ZNF493: variants seen among roughly 807,000 people sequenced by gnomAD.
The protein encoded by ZNF493 is zinc finger protein 493.
In ZNF493, 11 loss-of-function variants were observed where a neutral mutation model predicts 12.2. That is an observed-to-expected ratio of 0.90 (90% CI 0.57 to 1.50). The LOEUF is 1.50. Ranked by LOEUF, ZNF493 falls within the 40% of genes most tolerant of loss-of-function variation. The probability of loss-of-function intolerance (pLI) is 0.00; values close to 1 mark genes in which losing one functional copy is unlikely to be tolerated. For missense variants in ZNF493, 950 were observed against 906.6 expected (o/e 1.05, Z -0.61); for synonymous variants, 286 against 302.6 (o/e 0.95, Z 0.57).
chr19:21,405,079 C>G, intron 1 of ZNF493, 50 bp from the exon 2 acceptor site: 1 of 1,523,470 alleles, frequency 6.6e-7, no homozygotes, highest in Middle Eastern at 1.8e-4. Flanking sequence ...AAATTTTGCC[C>G]ACGTGTAAAT....
At chr19:21,421,000 G>A (rs1372759483) in intron 3 of ZNF493, among the ~76,000 whole-genome samples, 1 of 151,876 alleles carries the variant, frequency 6.6e-6, no homozygotes. Context: ...GGCATGCCTT[G>A]GCCTCCCAAA....
At chr19:21,408,114 ATTTTTTTTTT>A (rs56372601) in intron 3 of ZNF493, 183 of 829,372 alleles carry the variant, frequency 2.2e-4, no homozygotes, top group East Asian at 5.5e-4. Flanking sequence ...GTACTTCCCA[ATTTTTTTTTT>A]TTTTTTTTTT....
intron 1 of ZNF493, chr19:21,398,913 C>A: frequency 6.4e-6 from 1 of 155,712 alleles, no homozygotes; most frequent in Non-Finnish European, 1.4e-5. Flanking sequence ...AAATTTGTGG[C>A]CCAAAAAATA....
chr19:21,402,117 G>A (rs930110133), intron 1 of ZNF493, among the ~76,000 whole-genome samples: 6 of 151,714 alleles, frequency 4.0e-5, no homozygotes, highest in Admixed American at 2.0e-4. Flanking sequence ...ACAGGCACCC[G>A]CCATCACGAC....
intron 1 of ZNF493, chr19:21,398,663 G>A: frequency 2.6e-6 from 1 of 381,606 alleles, no homozygotes; most frequent in Admixed American, 3.2e-5. Context: ...GGATATTCTG[G>A]GGCTGAGGGG....
rs532096427 is a variant in ZNF493 at position 21,426,776 on chromosome 19, T to C, written c.*1792T>C. 1 of 167,136 alleles carries C rather than the reference T, an allele frequency of 6.0e-6. No individual in the cohort carries two copies. Among genetic ancestry groups the C allele is most frequent in the South Asian group, 2.1e-4 (1 of 4,830 alleles). The allele number at this position is 167,136 out of a possible 1,614,324, so 10.4% of individuals were successfully genotyped here. On this transcript the variant is annotated 3_prime_UTR_variant, in exon 4 of 4. Transcript: ENST00000392288. ...AAATTTTAATCCAAATTTGTCTATG[T>C]AAATACCAGAATTTATAGTAGAAAT...
chr19:21,411,439 G>T (rs543136100), intron 3 of ZNF493, among the ~76,000 whole-genome samples: 1 of 152,112 alleles, frequency 6.6e-6, no homozygotes, highest in Non-Finnish European at 1.5e-5. Context: ...TGTTAAGCAG[G>T]TTGGGTGCGC....
At chr19:21,403,087 G>A (rs2914656) in intron 1 of ZNF493, among the ~76,000 whole-genome samples, 41 of 152,376 alleles carry the variant, frequency 2.7e-4, no homozygotes, top group African/African-American at 2.6e-4. Flanking sequence ...TAAGACATTT[G>A]AGGATGTCAG....
At chr19:21,409,500 T>C (rs995749782) in intron 3 of ZNF493, among the ~76,000 whole-genome samples, 1 of 152,120 alleles carries the variant, frequency 6.6e-6, no homozygotes, top group Non-Finnish European at 1.5e-5. Flanking sequence ...TTTCAGAAAT[T>C]TGGGAGTCCA....
intron 3 of ZNF493, among the ~76,000 whole-genome samples, chr19:21,421,854 CT>C (rs1200586469): frequency 1.3e-5 from 2 of 151,122 alleles, no homozygotes; most frequent in Admixed American, 1.3e-4. Flanking sequence ...AATTATTCAT[CT>C]TTTTTTTTGG....
rs1294651027 is a variant in ZNF493, at chr19:21,397,173, A to G, written c.-65A>G. On this transcript the variant is annotated 5_prime_UTR_variant, in exon 1 of 4. Transcript: ENST00000392288. Reference sequence around the variant, plus strand: ...TGCCGGAGCTCCAGGTCTACCCTTCACTGCTCTGTGTCCTCAGCGTGTGTG... The same window carrying G: ...TGCCGGAGCTCCAGGTCTACCCTTCGCTGCTCTGTGTCCTCAGCGTGTGTG... The G allele has an allele frequency of 1.3e-6, 2 of 1,597,604 alleles. No individual in the cohort carries two copies. The highest frequency in any genetic ancestry group is 1.7e-6 in the Non-Finnish European group (2 of 1,164,956).
intron 3 of ZNF493, among the ~76,000 whole-genome samples, chr19:21,415,277 C>T (rs1364313221): frequency 6.6e-6 from 1 of 152,128 alleles, no homozygotes; most frequent in African/African-American, 2.4e-5. Flanking sequence ...CCCTCAGCCT[C>T]CTTTGTTAAT....
Position 21,424,750 on chromosome 19 carries a change from C to T in ZNF493, c.2091C>T (p.Phe697=). ...CEKCGKTFYR[F]SNLNTHKIIH... is the part of the protein sequence containing the mutation. ...AATGTGGCAAAACTTTCTACCGATT[C>T]TCAAACCTTAATACGCATAAGATAA... Residue 697 remains phenylalanine (F), a synonymous_variant, in exon 4 of 4, where the codon TTC becomes TTT. Coordinates refer to ENST00000392288, the MANE Select transcript of ZNF493 (RefSeq NM_001076678.3). The T allele has an allele frequency of 6.2e-7, 1 of 1,613,100 alleles. No individual in the cohort carries two copies. The highest frequency in any genetic ancestry group is 8.5e-7 in the Non-Finnish European group (1 of 1,179,568).
At chr19:21,405,007 G>C in intron 1 of ZNF493, 122 bp from the exon 2 acceptor site, 1 of 1,471,760 alleles carries the variant, frequency 6.8e-7, no homozygotes, top group Non-Finnish European at 9.0e-7. Flanking sequence ...GATAATTTCA[G>C]TCATTCCTGT....
chr19:21,425,504 T>C lies in ZNF493; in HGVS notation c.*520T>C. The C allele has an allele frequency of 2.0e-6, 1 of 501,648 alleles. No homozygotes were observed. 31.1% of individuals were successfully genotyped at this position (501,648 alleles called of 1,614,324 possible). ...CCATTAGTAAACATAAGATAATTCA[T>C]ACTGGAGAGAAAACCTACAAATGTG... On this transcript the variant is annotated 3_prime_UTR_variant, in exon 4 of 4. Transcript: ENST00000392288.
At chr19:21,406,338 A>AT (rs1470353524) in intron 3 of ZNF493, among the ~76,000 whole-genome samples, 1 of 151,534 alleles carries the variant, frequency 6.6e-6, no homozygotes, top group East Asian at 1.9e-4. Context: ...AGCCTTTGGC[A>AT]TTTTTTTGTT....
chr19:21,408,236 C>A, intron 3 of ZNF493: 29 of 721,548 alleles, frequency 4.0e-5, no homozygotes, highest in Non-Finnish European at 4.9e-5. Flanking sequence ...AGCGATTCTC[C>A]TACCTCAGCC....
Position 21,418,083 on chromosome 19 carries a change from G to A in ZNF493, c.254-4830G>A, listed in dbSNP as rs557136955. 4.9e-4 allele frequency among the ~76,000 whole-genome samples: 74 copies of A among 152,274 alleles called. No individual in the cohort carries two copies. The South Asian group carries it at 0.015, about 30-fold the overall frequency. Reference sequence around the variant, plus strand: ...AGCTTGCTGAATTCCTGCCTGAATGGAACTAAGAGCAGTTGCTCGAGGCAC... The same window carrying A: ...AGCTTGCTGAATTCCTGCCTGAATGAAACTAAGAGCAGTTGCTCGAGGCAC... On this transcript the variant is annotated intron_variant, in intron 3 of 3. Coordinates refer to ENST00000392288, the MANE Select transcript of ZNF493 (RefSeq NM_001076678.3).
intron 1 of ZNF493, among the ~76,000 whole-genome samples, chr19:21,403,561 ACTT>A (rs1026886999): frequency 2.0e-5 from 3 of 152,104 alleles, no homozygotes; most frequent in African/African-American, 7.2e-5. Flanking sequence ...GGTGGTGCTG[ACTT>A]CTTTACAAGA....
Sources: gnomAD v4.1 joint callset for allele counts (sites outside exome capture counted in the v4.1 genomes callset) on GRCh38, gnomAD v4.1.1 for gene constraint, MANE v1.5 for transcripts, NCBI Gene and HGNC (gene_info 2026-07-23, HGNC 2026-07-21) for gene names.